The following TRPM7 variants were observed in gnomAD, a reference collection of about 807,000 sequenced individuals.
TRPM7 encodes the protein transient receptor potential cation channel subfamily M member 7, also known as LTRPC ion channel family member 7.
TRPM7 carries 134 observed loss-of-function variants against 229.7 expected under a neutral mutation model. The observed-to-expected ratio is 0.58, with a 90% CI of 0.51 to 0.67. The LOEUF is 0.67. Among genes scored for constraint, TRPM7 ranks in the 30% least tolerant of loss-of-function variants. TRPM7 has a pLI of 0.00. For missense variants in TRPM7, 1,901 were observed against 2,210.0 expected, an observed-to-expected ratio of 0.86 and a Z score of 2.80; for synonymous variants, 699 against 715.2, an observed-to-expected ratio of 0.98 and a Z score of 0.36.
chr15:50,594,747 CA>C (rs2059591428), intron 23 of TRPM7, 134 bp from the exon 24 acceptor site: 1 of 581,026 alleles, frequency 1.7e-6, no homozygotes, highest in African/African-American at 1.9e-5. Flanking sequence ...AAACTAATAG[CA>C]AATGAGAAAC....
At position 50,574,881 on chromosome 15, in the gene TRPM7, C is replaced by T; in HGVS notation, c.4990G>A (p.Glu1664Lys). 6.2e-7 allele frequency: 1 copy of T among 1,613,026 alleles called. No individual in the cohort carries two copies. The highest frequency in any genetic ancestry group is 8.5e-7 in the Non-Finnish European group (1 of 1,179,252). Reference sequence around the variant, plus strand: ...AGACAGAGATGCAGAACTGTATCTTCTTTGTAAATACTTGACCATGTATTA... The same window carrying T: ...AGACAGAGATGCAGAACTGTATCTTTTTTGTAAATACTTGACCATGTATTA... ...VVNTWSSIYK[E>K]DTVLHLCLRE... Residue 1664 changes from glutamate (E) to lysine (K), a missense_variant, in exon 34 of 39, where the codon GAA becomes AAA. Around this residue, in one of 8 missense-constraint regions of TRPM7, gnomAD observed 257 missense variants for 352.0 expected, o/e 0.73. Coordinates refer to ENST00000646667, the MANE Select transcript of TRPM7 (RefSeq NM_017672.6).
chr15:50,614,606 A>T (rs148097570), intron 13 of TRPM7, among the ~76,000 whole-genome samples: 1,458 of 145,660 alleles, frequency 0.01, 24 homozygotes, highest in African/African-American at 0.036. Context: ...CGGAAGTTGC[A>T]GTGAGCCAAG....
chr15:50,661,009 CTT>C (rs1017868555), intron 2 of TRPM7, among the ~76,000 whole-genome samples: 58 of 149,848 alleles, frequency 3.9e-4, no homozygotes, highest in African/African-American at 1.4e-3. Context: ...GAGTTTCACT[CTT>C]GTTACCCAGG....
At chr15:50,616,237 G>T (rs919422122) in intron 13 of TRPM7, among the ~76,000 whole-genome samples, 1 of 151,918 alleles carries the variant, frequency 6.6e-6, no homozygotes, top group Non-Finnish European at 1.5e-5. Context: ...TTACCAATTT[G>T]AATAAAAATA....
chr15:50,667,327 C>T (rs1242641839), intron 1 of TRPM7, among the ~76,000 whole-genome samples: 2 of 152,166 alleles, frequency 1.3e-5, no homozygotes, highest in East Asian at 3.8e-4. Context: ...AATGAAAGAC[C>T]TTACAACTGA....
chr15:50,613,412 G>T (rs975932218), intron 15 of TRPM7, among the ~76,000 whole-genome samples: 6 of 143,386 alleles, frequency 4.2e-5, no homozygotes, highest in Non-Finnish European at 7.5e-5. Context: ...TGAGGCAGGA[G>T]AATCACTCGA....
At chr15:50,637,052 G>T (rs1348312927) in intron 7 of TRPM7, among the ~76,000 whole-genome samples, 2 of 151,976 alleles carry the variant, frequency 1.3e-5, no homozygotes, top group African/African-American at 4.8e-5. Context: ...TGTGAACCCA[G>T]GAGGCAGGGC....
chr15:50,629,264 G>A (rs1008858623), intron 10 of TRPM7, among the ~76,000 whole-genome samples: 1 of 140,344 alleles, frequency 7.1e-6, no homozygotes, highest in Non-Finnish European at 1.6e-5. Context: ...CCATGGAGAG[G>A]GGAGTTTCCT....
chr15:50,627,844 G>A (rs2060613373), intron 11 of TRPM7, among the ~76,000 whole-genome samples: 1 of 152,154 alleles, frequency 6.6e-6, no homozygotes, highest in Non-Finnish European at 1.5e-5. Context: ...GACTAAAAAA[G>A]GAATAGGTCT....
At chr15:50,643,921 C>T (rs561842741) in intron 4 of TRPM7, among the ~76,000 whole-genome samples, 3 of 143,290 alleles carry the variant, frequency 2.1e-5, no homozygotes, top group East Asian at 2.1e-4. Context: ...TGAAGAGGAT[C>T]GGAAAAGGAA....
intron 28 of TRPM7, 80 bp from the exon 29 acceptor site, chr15:50,583,239 T>C: frequency 2.1e-6 from 2 of 969,906 alleles, no homozygotes; most frequent in Non-Finnish European, 3.1e-6. Flanking sequence ...CAAAGTATTC[T>C]AGGCACAGTA....
intron 1 of TRPM7, among the ~76,000 whole-genome samples, chr15:50,681,580 G>A (rs75414826): frequency 0.024 from 3,610 of 152,268 alleles, 135 homozygotes; most frequent in African/African-American, 0.082. Context: ...GCAGAAAGCA[G>A]AAAACTAAGC....
intron 19 of TRPM7, among the ~76,000 whole-genome samples, chr15:50,607,785 G>A (rs988983531): frequency 2.0e-5 from 3 of 151,160 alleles, no homozygotes; most frequent in Non-Finnish European, 4.4e-5. Flanking sequence ...GGTGGCTCAC[G>A]CCTGTAATCC....
At chr15:50,655,685 A>AT (rs1236288119) in intron 3 of TRPM7, among the ~76,000 whole-genome samples, 1 of 152,208 alleles carries the variant, frequency 6.6e-6, no homozygotes, top group Admixed American at 6.5e-5. Flanking sequence ...GCTACAAGAT[A>AT]AAATAATGAC....
chr15:50,685,082 G>T (rs1567134940), intron 1 of TRPM7, among the ~76,000 whole-genome samples: 1 of 152,232 alleles, frequency 6.6e-6, no homozygotes, highest in Non-Finnish European at 1.5e-5. Context: ...AATGATAGAA[G>T]AAATAAAATT....
intron 4 of TRPM7, among the ~76,000 whole-genome samples, chr15:50,644,814 A>G (rs891134404): frequency 1.3e-5 from 2 of 151,362 alleles, no homozygotes; most frequent in South Asian, 2.1e-4. Context: ...AAAAAAAAAA[A>G]AAAAAAAAGA....
At chr15:50,671,290 A>T (rs990777193) in intron 1 of TRPM7, among the ~76,000 whole-genome samples, 7 of 152,308 alleles carry the variant, frequency 4.6e-5, no homozygotes, top group African/African-American at 1.4e-4. Flanking sequence ...GATTCTACAC[A>T]GAAGTGAGAC....
At chr15:50,596,973 C>A (rs1271700519) in intron 22 of TRPM7, among the ~76,000 whole-genome samples, 1 of 152,212 alleles carries the variant, frequency 6.6e-6, no homozygotes, top group Admixed American at 6.5e-5. Flanking sequence ...TGGTCTCGAA[C>A]TCCTGACCTC....
intron 3 of TRPM7, among the ~76,000 whole-genome samples, chr15:50,649,390 C>A (rs2061354811): frequency 6.7e-6 from 1 of 149,736 alleles, no homozygotes; most frequent in Non-Finnish European, 1.5e-5. Flanking sequence ...GCCTTGGTCA[C>A]ACCACTGTGC....
Sources: gnomAD v4.1 joint callset for allele counts (sites outside exome capture counted in the v4.1 genomes callset) on GRCh38, gnomAD v4.1.1 for gene constraint, gnomAD v4.1.1 regional missense constraint, MANE v1.5 for transcripts, NCBI Gene and HGNC (gene_info 2026-07-23, HGNC 2026-07-21) for gene names.